SMURF1: variants seen among roughly 807,000 people sequenced by gnomAD.
The protein encoded by SMURF1 is E3 ubiquitin-protein ligase SMURF1.
Under a neutral mutation model 98.0 loss-of-function variants are expected in SMURF1, and 44 were observed. The ratio of observed to expected loss-of-function variants is 0.45; its 90% CI spans 0.35 to 0.58. The LOEUF (loss-of-function observed/expected upper bound fraction) is 0.58. Ranked by LOEUF, SMURF1 falls within the 20% of genes least tolerant of loss-of-function variation. The probability of loss-of-function intolerance (pLI) is 0.00; values close to 1 mark genes in which losing one functional copy is unlikely to be tolerated. For synonymous variants in SMURF1, 396 were observed against 374.9 expected, an observed-to-expected ratio of 1.06 and a Z score of -0.65; for missense variants, 687 against 938.4, an observed-to-expected ratio of 0.73 and a Z score of 3.50.
At chr7:99,080,401 G>A (rs1796555147) in intron 1 of SMURF1, among the ~76,000 whole-genome samples, 1 of 152,236 alleles carries the variant, frequency 6.6e-6, no homozygotes, top group Non-Finnish European at 1.5e-5. Context: ...CCAGGTTCAA[G>A]TGATTCCCCT....
At chr7:99,095,729 CAACTT>C (rs1479726679) in intron 1 of SMURF1, among the ~76,000 whole-genome samples, 1 of 152,190 alleles carries the variant, frequency 6.6e-6, no homozygotes, top group Non-Finnish European at 1.5e-5. Context: ...TTAAAGATCT[CAACTT>C]AGCCACGGGG....
intron 9 of SMURF1, 22 bp downstream of exon 9, chr7:99,049,541 A>G: frequency 1.2e-6 from 2 of 1,607,208 alleles, no homozygotes; most frequent in Non-Finnish European, 1.7e-6. Flanking sequence ...GAGGTCAGCA[A>G]AAAATATTTT....
At chr7:99,110,608 G>A (rs2150603575) in intron 1 of SMURF1, among the ~76,000 whole-genome samples, 3 of 152,328 alleles carry the variant, frequency 2.0e-5, no homozygotes, top group African/African-American at 7.2e-5. Context: ...AGATGATGCA[G>A]AAACAGACTG....
At chr7:99,136,974 A>C (rs1798006621) in intron 1 of SMURF1, among the ~76,000 whole-genome samples, 1 of 152,172 alleles carries the variant, frequency 6.6e-6, no homozygotes, top group Admixed American at 6.5e-5. Flanking sequence ...AATAAACATG[A>C]TACTGTCCGA....
chr7:99,036,984 C>A, intron 15 of SMURF1, 83 bp downstream of exon 15: 1 of 1,600,208 alleles, frequency 6.2e-7, no homozygotes, highest in Non-Finnish European at 8.5e-7. Context: ...GCGGCACACA[C>A]TGCCCCCTGC....
intron 1 of SMURF1, among the ~76,000 whole-genome samples, chr7:99,103,389 A>G (rs1223833891): frequency 6.6e-6 from 1 of 152,184 alleles, no homozygotes; most frequent in Non-Finnish European, 1.5e-5. Context: ...AGGTATTTAA[A>G]ATGAATACCA....
At chr7:99,072,699 A>C (rs1014002473) in intron 1 of SMURF1, among the ~76,000 whole-genome samples, 1 of 152,174 alleles carries the variant, frequency 6.6e-6, no homozygotes, top group Admixed American at 6.6e-5. Flanking sequence ...AAGGTAATAC[A>C]CTGCAAAAAC....
At chr7:99,049,250 CT>C (rs1390821535) in intron 9 of SMURF1, 1 of 315,176 alleles carries the variant, frequency 3.2e-6, no homozygotes, top group Non-Finnish European at 6.0e-6. Context: ...ACTTCTCAAC[CT>C]AAGGGCCACG....
chr7:99,126,358 T>C (rs112074923), intron 1 of SMURF1, among the ~76,000 whole-genome samples: 32 of 152,224 alleles, frequency 2.1e-4, no homozygotes, highest in African/African-American at 6.3e-4. Flanking sequence ...CTTTTTTTTT[T>C]TTTTTAATTA....
At chr7:99,079,195 G>A (rs1175156574) in intron 1 of SMURF1, among the ~76,000 whole-genome samples, 3 of 152,208 alleles carry the variant, frequency 2.0e-5, no homozygotes, top group Admixed American at 1.3e-4. Flanking sequence ...CAGCAGCTGC[G>A]CCTGGAATCC....
intron 17 of SMURF1, among the ~76,000 whole-genome samples, chr7:99,031,193 C>T (rs1389853082): frequency 1.3e-5 from 2 of 152,170 alleles, no homozygotes; most frequent in African/African-American, 2.4e-5. Context: ...CGATGTACTG[C>T]GTGTCTGTCT....
intron 11 of SMURF1, among the ~76,000 whole-genome samples, chr7:99,044,807 T>TA (rs1342684492): frequency 2.0e-5 from 3 of 152,166 alleles, no homozygotes; most frequent in Non-Finnish European, 4.4e-5. Flanking sequence ...AATAACAAGA[T>TA]ACCTATTCAA....
intron 15 of SMURF1, 51 bp downstream of exon 15, chr7:99,037,016 G>C: frequency 6.2e-7 from 1 of 1,611,640 alleles, no homozygotes; most frequent in Non-Finnish European, 8.5e-7. Flanking sequence ...AAAACAGGCA[G>C]ACGCCAGCCA....
chr7:99,063,778 CT>C (rs34393273), intron 1 of SMURF1, among the ~76,000 whole-genome samples: 140 of 142,974 alleles, frequency 9.8e-4, no homozygotes, highest in African/African-American at 1.8e-3. Context: ...TATCAATATA[CT>C]TTTTTTTTTT....
At position 99,038,358 on chromosome 7, in the gene SMURF1, C is replaced by G. The variant is rs776221523; in HGVS notation, c.1688+30G>C. On this transcript the variant is annotated intron_variant, in intron 14 of 17. Transcript: ENST00000361368. ...AATGCAGGCTCAGCCGCGCCCCAGG[C>G]ACCTGGCCGTCCCCGACAGGTGGCA... 1.9e-6 allele frequency: 3 copies of G among 1,610,614 alleles called. No individual in the cohort carries two copies. The South Asian group carries it at 3.3e-5, about 18-fold the overall frequency.
intron 1 of SMURF1, among the ~76,000 whole-genome samples, chr7:99,097,593 C>T (rs1796983197): frequency 6.6e-6 from 1 of 152,202 alleles, no homozygotes; most frequent in Admixed American, 6.5e-5. Context: ...TTGCCAGATG[C>T]TAGCACCCTG....
At chr7:99,088,954 C>T (rs12670726) in intron 1 of SMURF1, among the ~76,000 whole-genome samples, 9,661 of 152,232 alleles carry the variant, frequency 0.063, 386 homozygotes, top group East Asian at 0.18. Context: ...GCCTGTAATC[C>T]TAGCACTATG....
chr7:99,115,198 A>G (rs1797409563), intron 1 of SMURF1, among the ~76,000 whole-genome samples: 2 of 152,214 alleles, frequency 1.3e-5, no homozygotes, highest in Middle Eastern at 3.4e-3. Context: ...AGAAAATCAA[A>G]AGTTGGTTCT....
intron 1 of SMURF1, among the ~76,000 whole-genome samples, chr7:99,135,892 G>C (rs1934343768): frequency 6.6e-6 from 1 of 152,132 alleles, no homozygotes. Context: ...CCACACTCTT[G>C]TCTCATCACA....
Sources: gnomAD v4.1 joint callset for allele counts (sites outside exome capture counted in the v4.1 genomes callset) on GRCh38, gnomAD v4.1.1 for gene constraint, MANE v1.5 for transcripts, NCBI Gene and HGNC (gene_info 2026-07-23, HGNC 2026-07-21) for gene names.